Variants in SNED1 observed in about 807,000 individuals in gnomAD.
The protein encoded by SNED1 is sushi, nidogen and EGF-like domain-containing protein 1.
SNED1 carries 81 observed loss-of-function variants against 166.7 expected under a neutral mutation model. The observed-to-expected ratio is 0.49, with a 90% confidence interval of 0.41 to 0.58. SNED1 has a LOEUF of 0.58. Ranked by LOEUF, SNED1 falls within the 20% of genes least tolerant of loss-of-function variation. The probability of loss-of-function intolerance (pLI) is 0.00; values close to 1 mark genes in which losing one functional copy is unlikely to be tolerated. For missense variants in SNED1, 1,604 were observed against 2,000.2 expected (o/e 0.80, Z 3.78); for synonymous variants, 762 against 822.0 (o/e 0.93, Z 1.25).
At chr2:241,009,657 GC>G (rs1309086564) in intron 1 of SNED1, among the ~76,000 whole-genome samples, 4 of 152,248 alleles carry the variant, frequency 2.6e-5, no homozygotes, top group African/African-American at 4.8e-5. Context: ...TCTCCTGGGA[GC>G]CCCTCCCTTA....
At chr2:241,014,451 C>T (rs765261306) in intron 1 of SNED1, among the ~76,000 whole-genome samples, 25 of 152,308 alleles carry the variant, frequency 1.6e-4, no homozygotes, top group Admixed American at 8.5e-4. Flanking sequence ...CCCCGGCCGA[C>T]GCTTCTGCAA....
Position 241,017,039 on chromosome 2 carries a change from C to T in SNED1, c.214-13245C>T, listed in dbSNP as rs190722581. ...GGCTAATTTGTATTTTTAGTAGAGA[C>T]GGGGTTTCTCCATGTTGGTCAGGCT... On this transcript the variant is annotated intron_variant, in intron 1 of 31. Coordinates refer to ENST00000310397, the MANE Select transcript of SNED1 (RefSeq NM_001080437.3). Among the ~76,000 whole-genome samples the T allele has an allele frequency of 5.0e-3, 757 of 151,868 alleles. 3 individuals are homozygous for T. The highest frequency in any genetic ancestry group is 8.6e-3 in the Non-Finnish European group (583 of 67,930).
chr2:241,011,202 A>AGGTCTCCTG (rs562943405), intron 1 of SNED1, among the ~76,000 whole-genome samples: 1 of 132,864 alleles, frequency 7.5e-6, no homozygotes, highest in African/African-American at 3.4e-5. Flanking sequence ...TGGGGGTGGC[A>AGGTCTCCTG]GGTCTCCTGG....
chr2:241,013,124 G>A lies in SNED1; in HGVS notation c.213+14074G>A, dbSNP rs937261730. The stretch of plus-strand genomic sequence containing the variant: ...GATGGGATTACAGGCGTGAGCCACC[G>A]CGCCCGGCCACGAGCAGTACTGTTA... On this transcript the variant is annotated intron_variant, in intron 1 of 31. Transcript: ENST00000310397. This position sits in a 1 kb window ranked among gnomAD's most constrained non-coding sequence, Gnocchi z 4.6. Among the ~76,000 whole-genome samples, 28 of 151,840 alleles carry A rather than the reference G, an allele frequency of 1.8e-4. No individual in the cohort carries two copies. The highest frequency in any genetic ancestry group is 4.8e-4 in the African/African-American group (20 of 41,328).
rs544792834 is a variant in SNED1 at position 241,068,351 on chromosome 2, G to A, written c.3194+404G>A. ...CCCCTCAGAGAGCAGCGGCCAGCGA[G>A]GGTAGATGGTAGCAGCCCCGAGCTC... On this transcript the variant is annotated intron_variant, in intron 22 of 31. Coordinates refer to ENST00000310397, the MANE Select transcript of SNED1 (RefSeq NM_001080437.3). This position sits in a 1 kb window ranked among gnomAD's most constrained non-coding sequence, Gnocchi z 5.3. Among the ~76,000 whole-genome samples, 78 of 145,086 alleles carry A rather than the reference G, an allele frequency of 5.4e-4. 1 individual carries two copies. In the Middle Eastern group the frequency reaches 0.01, roughly 19 times the overall value.
chr2:240,998,301 G>A (rs1303222572), upstream of SNED1, among the ~76,000 whole-genome samples: 1 of 152,230 alleles, frequency 6.6e-6, no homozygotes, highest in Non-Finnish European at 1.5e-5. Context: ...GTCCCCTCCC[G>A]CCCCCCGCGT....
At chr2:241,059,450 C>T (rs1004627699) in intron 16 of SNED1, among the ~76,000 whole-genome samples, 1 of 152,170 alleles carries the variant, frequency 6.6e-6, no homozygotes, top group Non-Finnish European at 1.5e-5. Context: ...TCTCAACTCA[C>T]CTTGATACCA....
intron 25 of SNED1, 29 bp from the exon 26 acceptor site, chr2:241,071,767 C>T (rs1559296331): frequency 1.3e-6 from 2 of 1,566,660 alleles, no homozygotes; most frequent in Admixed American, 3.6e-5. Context: ...GGCGCTCGGA[C>T]TGTGGTGACC....
chr2:241,009,674 C>T (rs1275314995), intron 1 of SNED1, among the ~76,000 whole-genome samples: 1 of 152,146 alleles, frequency 6.6e-6, no homozygotes, highest in Admixed American at 6.5e-5. Context: ...CCTTACCCCT[C>T]CCCTGTCCGG....
chr2:241,082,558 C>T (rs1269610402), intron 29 of SNED1, among the ~76,000 whole-genome samples, 194 bp downstream of exon 29: 1 of 152,220 alleles, frequency 6.6e-6, no homozygotes, highest in East Asian at 1.9e-4. Context: ...ATAACTGCCC[C>T]AAGTCCATGC....
At chr2:241,009,138 CA>C (rs1328839804) in intron 1 of SNED1, among the ~76,000 whole-genome samples, 1 of 152,190 alleles carries the variant, frequency 6.6e-6, no homozygotes, top group Admixed American at 6.5e-5. Context: ...GTTTGCATCT[CA>C]AGATTGCATC....
Position 241,069,119 on chromosome 2 carries a change from C to T in SNED1, c.3307+96C>T. On this transcript the variant is annotated intron_variant, in intron 23 of 31. Transcript: ENST00000310397. This position sits in a 1 kb window ranked among gnomAD's most constrained non-coding sequence, Gnocchi z 4.9. ...CCCCTAGTCCTCTCCAAAGCGTCCA[C>T]AACACCAGAAACCCAGCCCCTGGCC... is the stretch of plus-strand genomic sequence containing the variant. 2 of 807,070 alleles carry T rather than the reference C, an allele frequency of 2.5e-6. No homozygotes were observed. The highest frequency in any genetic ancestry group is 2.9e-5 in the Admixed American group (1 of 34,796). 50.0% of individuals were successfully genotyped at this position (807,070 alleles called of 1,614,324 possible).
At chr2:241,062,707 T>C in intron 16 of SNED1, 84 bp from the exon 17 acceptor site, 1 of 867,958 alleles carries the variant, frequency 1.2e-6, no homozygotes, top group Non-Finnish European at 1.9e-6. Flanking sequence ...GAATTCTGTC[T>C]GGCCCCTCAG....
At chr2:241,024,110 C>T (rs2060859779) in intron 1 of SNED1, among the ~76,000 whole-genome samples, 1 of 151,354 alleles carries the variant, frequency 6.6e-6, no homozygotes, top group African/African-American at 2.4e-5. Flanking sequence ...TGGTCTCAAA[C>T]TCCTGACCTC....
At chr2:240,997,780 C>T (rs908229948), upstream of SNED1, among the ~76,000 whole-genome samples, 1 of 152,192 alleles carries the variant, frequency 6.6e-6, no homozygotes, top group African/African-American at 2.4e-5. Flanking sequence ...GAAGAGACCA[C>T]GGTGGGCCGG....
chr2:241,090,083 T>C (rs1351895019), intron 31 of SNED1: 7 of 1,513,470 alleles, frequency 4.6e-6, no homozygotes, highest in Non-Finnish European at 6.2e-6. Flanking sequence ...TGTAACTTTT[T>C]TACTTTATAC....
Position 241,071,582 on chromosome 2 carries a change from G to T in SNED1, c.3596G>T (p.Arg1199Met). 1 of 1,586,664 alleles carries T rather than the reference G, an allele frequency of 6.3e-7. No individual in the cohort carries two copies. The change falls in exon 25 of 32, where the codon AGG becomes ATG. Residue 1199 changes from arginine to methionine, a missense_variant. By Grantham distance (91) the Arg-to-Met change is moderately conservative. Transcript: ENST00000310397. ...PAHLYIITSP[R>M]DGADRRWHQG... ...CCTCCTGCCTGCTCTGCAGCCCCCA[G>T]GGATGGCGCTGACAGACGCTGGCAC...
rs2062536952 is a variant in SNED1 at position 241,068,041 on chromosome 2, G to A, written c.3194+94G>A. On this transcript the variant is annotated intron_variant, in intron 22 of 31. Coordinates refer to ENST00000310397, the MANE Select transcript of SNED1 (RefSeq NM_001080437.3). This position sits in a 1 kb window ranked among gnomAD's most constrained non-coding sequence, Gnocchi z 5.3. ...CAGGTCTCGGGCACATTCTCCGTGT[G>A]TGGACTGTACCACCTGCCGCTCCTC... is the stretch of plus-strand genomic sequence containing the variant. 1 of 1,187,714 alleles carries A rather than the reference G, an allele frequency of 8.4e-7. No homozygotes were observed. Among genetic ancestry groups the A allele is most frequent in the East Asian group, 2.5e-5 (1 of 39,294 alleles). The allele number at this position is 1,187,714 out of a possible 1,614,324, so 73.6% of individuals were successfully genotyped here. A position where few individuals can be genotyped will look rare whatever the true frequency, so the allele number is the denominator to read the frequency against.
intron 6 of SNED1, among the ~76,000 whole-genome samples, chr2:241,037,609 G>A (rs2061413600): frequency 2.0e-5 from 3 of 152,218 alleles, no homozygotes; most frequent in Admixed American, 2.0e-4. Context: ...TGGGGCCTCA[G>A]AACAGGCCAG....
Sources: gnomAD v4.1 joint callset for allele counts (sites outside exome capture counted in the v4.1 genomes callset) on GRCh38, gnomAD v4.1.1 for gene constraint, Gnocchi (gnomAD v3.1) non-coding constraint, MANE v1.5 for transcripts, NCBI Gene and HGNC (gene_info 2026-07-23, HGNC 2026-07-21) for gene names.